UBE2G1: variants seen among roughly 807,000 people sequenced by gnomAD.
UBE2G1 encodes ubiquitin conjugating enzyme E2 G1, also known as ubiquitin-conjugating enzyme E2 G1.
UBE2G1 carries 5 observed loss-of-function variants against 22.7 expected under a neutral mutation model. The observed-to-expected ratio is 0.22, with a 90% CI of 0.12 to 0.46. UBE2G1 has a LOEUF of 0.46. Ranked by LOEUF, UBE2G1 falls within the 20% of genes least tolerant of loss-of-function variation. UBE2G1 has a pLI of 0.99. For missense variants in UBE2G1, 88 were observed against 203.9 expected, an observed-to-expected ratio of 0.43 and a Z score of 3.46; for synonymous variants, 74 against 67.5, an observed-to-expected ratio of 1.10 and a Z score of -0.47.
intron 1 of UBE2G1, among the ~76,000 whole-genome samples, chr17:4,319,110 A>G (rs879332285): frequency 7.2e-5 from 11 of 152,242 alleles, no homozygotes; most frequent in South Asian, 2.1e-4. Flanking sequence ...GGAGATTTAC[A>G]TAAGTTAAAC....
intron 1 of UBE2G1, among the ~76,000 whole-genome samples, chr17:4,347,582 C>G (rs1306454426): frequency 2.8e-5 from 4 of 143,356 alleles, no homozygotes; most frequent in Non-Finnish European, 6.0e-5. Flanking sequence ...TTGAGAGATT[C>G]TCATGCCTCA....
chr17:4,303,384 GA>G (rs1969209348), intron 2 of UBE2G1, among the ~76,000 whole-genome samples: 2 of 152,074 alleles, frequency 1.3e-5, no homozygotes, highest in Non-Finnish European at 2.9e-5. Context: ...TGCAAAAGGG[GA>G]AAAAATAATT....
intron 1 of UBE2G1, among the ~76,000 whole-genome samples, chr17:4,339,740 T>C (rs948798589): frequency 6.6e-6 from 1 of 151,892 alleles, no homozygotes; most frequent in African/African-American, 2.4e-5. Flanking sequence ...TGCCAGCTAC[T>C]CGGGAGGCTG....
intron 2 of UBE2G1, among the ~76,000 whole-genome samples, chr17:4,297,783 T>C (rs1382227596): frequency 6.6e-6 from 1 of 152,260 alleles, no homozygotes; most frequent in African/African-American, 2.4e-5. Flanking sequence ...TCCCTTCTAG[T>C]ACATTGACCT....
chr17:4,277,583 G>T (rs1287834497), intron 5 of UBE2G1, among the ~76,000 whole-genome samples: 2 of 152,196 alleles, frequency 1.3e-5, no homozygotes, highest in African/African-American at 2.4e-5. Context: ...CAAAATGTGA[G>T]ATAAAGCCTG....
chr17:4,288,322 G>A (rs1486162964), intron 4 of UBE2G1, among the ~76,000 whole-genome samples: 1 of 152,060 alleles, frequency 6.6e-6, no homozygotes, highest in Admixed American at 6.5e-5. Context: ...TGCCTCCCAG[G>A]TTGAAGTGAT....
intron 4 of UBE2G1, among the ~76,000 whole-genome samples, chr17:4,286,703 T>C (rs1478822062): frequency 6.6e-6 from 1 of 152,178 alleles, no homozygotes; most frequent in Non-Finnish European, 1.5e-5. Flanking sequence ...AAAGTAATTT[T>C]TGCATATTCA....
At position 4,356,151 on chromosome 17, in the gene UBE2G1, T is replaced by A. The variant is rs1969904007; in HGVS notation, c.46+10120A>T. Among the ~76,000 whole-genome samples, 3 of 137,396 alleles carry A rather than the reference T, an allele frequency of 2.2e-5. No homozygotes were observed. The South Asian group carries it at 7.1e-4, about 32-fold the overall frequency. The allele number at this position is 137,396 out of a possible 152,430, so 90.1% of individuals were successfully genotyped here. On this transcript the variant is annotated intron_variant, in intron 1 of 5. Coordinates refer to ENST00000396981, the MANE Select transcript of UBE2G1 (RefSeq NM_003342.5). ...CGGGCAGATCACCTGAGGTCAGGAG[T>A]TCGAGAACAGCCTGACCAACGTGGA...
At chr17:4,334,737 C>G (rs961924156) in intron 1 of UBE2G1, among the ~76,000 whole-genome samples, 2 of 152,062 alleles carry the variant, frequency 1.3e-5, no homozygotes, top group African/African-American at 2.4e-5. Context: ...ACAGCTTTCA[C>G]CATGTTGGCC....
chr17:4,292,607 C>A (rs1478710393), intron 3 of UBE2G1, among the ~76,000 whole-genome samples: 2 of 152,200 alleles, frequency 1.3e-5, no homozygotes, highest in African/African-American at 4.8e-5. Context: ...TGGGCCAAGA[C>A]AACTAATACT....
At chr17:4,292,882 C>T (rs974881037) in intron 3 of UBE2G1, among the ~76,000 whole-genome samples, 7 of 152,304 alleles carry the variant, frequency 4.6e-5, no homozygotes, top group Admixed American at 2.0e-4. Flanking sequence ...AACTAATTAT[C>T]TAACTGGGTG....
At chr17:4,288,080 C>T (rs1183068262) in intron 4 of UBE2G1, among the ~76,000 whole-genome samples, 1 of 152,184 alleles carries the variant, frequency 6.6e-6, no homozygotes, top group Non-Finnish European at 1.5e-5. Flanking sequence ...TATCTATAAA[C>T]TACTCTCAAA....
chr17:4,353,990 G>C (rs981009529), intron 1 of UBE2G1, among the ~76,000 whole-genome samples: 1 of 151,896 alleles, frequency 6.6e-6, no homozygotes, highest in Non-Finnish European at 1.5e-5. Context: ...GCCTACCCCA[G>C]CATTTTTAAG....
At chr17:4,332,816 C>A (rs552444938) in intron 1 of UBE2G1, among the ~76,000 whole-genome samples, 4 of 152,180 alleles carry the variant, frequency 2.6e-5, no homozygotes, top group Non-Finnish European at 4.4e-5. Flanking sequence ...ACTCATTCAC[C>A]TGAGTTCCTC....
chr17:4,361,182 C>T (rs1235980079), intron 1 of UBE2G1, among the ~76,000 whole-genome samples: 1 of 151,990 alleles, frequency 6.6e-6, no homozygotes, highest in African/African-American at 2.4e-5. Flanking sequence ...AAGATCGCAC[C>T]ACTGCACTCC....
intron 1 of UBE2G1, among the ~76,000 whole-genome samples, chr17:4,325,359 T>C (rs1053174100): frequency 3.3e-5 from 5 of 152,198 alleles, no homozygotes; most frequent in Non-Finnish European, 7.3e-5. Flanking sequence ...CAACTATTTC[T>C]TCACCTGCTA....
intron 1 of UBE2G1, among the ~76,000 whole-genome samples, chr17:4,337,743 G>A (rs973434406): frequency 2.0e-5 from 3 of 151,924 alleles, no homozygotes; most frequent in African/African-American, 7.3e-5. Flanking sequence ...GAGAGCCACA[G>A]CCTAAACACC....
intron 4 of UBE2G1, among the ~76,000 whole-genome samples, chr17:4,286,982 T>C (rs1478712207): frequency 6.6e-6 from 1 of 152,030 alleles, no homozygotes; most frequent in Non-Finnish European, 1.5e-5. Flanking sequence ...AGGGCAGAGG[T>C]TGTGGTTGCA....
intron 1 of UBE2G1, among the ~76,000 whole-genome samples, chr17:4,346,249 G>A (rs761958517): frequency 3.9e-5 from 6 of 151,972 alleles, no homozygotes; most frequent in Non-Finnish European, 8.8e-5. Context: ...CAGACTAAAA[G>A]CCTAAATCCT....
Sources: allele counts gnomAD v4.1 joint callset (sites outside exome capture counted in the v4.1 genomes callset), GRCh38; gene constraint gnomAD v4.1.1; transcripts MANE v1.5; gene names NCBI Gene and HGNC (gene_info 2026-07-23, HGNC 2026-07-21).